The following PACSIN1 variants were observed in gnomAD, a reference collection of about 807,000 sequenced individuals.
PACSIN1 encodes protein kinase C and casein kinase substrate in neurons protein 1.
A neutral mutation model predicts 59.5 loss-of-function variants in PACSIN1; 15 were observed. The ratio of observed to expected loss-of-function variants is 0.25; its 90% CI spans 0.17 to 0.39. The LOEUF (loss-of-function observed/expected upper bound fraction) is 0.39, where lower values mean the gene tolerates loss of function less well. Among genes scored for constraint, PACSIN1 ranks in the 10% least tolerant of loss-of-function variants. The pLI is 1.00. For synonymous variants in PACSIN1, 210 were observed against 220.6 expected, an observed-to-expected ratio of 0.95 and a Z score of 0.42; for missense variants, 420 against 580.2, an observed-to-expected ratio of 0.72 and a Z score of 2.84.
At chr6:34,475,517 C>T (rs577155095) in intron 1 of PACSIN1, among the ~76,000 whole-genome samples, 123 of 152,282 alleles carry the variant, frequency 8.1e-4, no homozygotes, top group African/African-American at 2.8e-3. Flanking sequence ...AGCCAGTCTC[C>T]CAGGGTTACC....
In PACSIN1 at chr6:34,531,475, A is replaced by C; in HGVS notation, c.1038-125A>C. The C allele has an allele frequency of 1.1e-6, 1 of 909,428 alleles. No homozygotes were observed. The highest frequency in any genetic ancestry group is 1.7e-6 in the Non-Finnish European group (1 of 580,792). 56.3% of individuals were successfully genotyped at this position (909,428 alleles called of 1,614,324 possible). On this transcript the variant is annotated intron_variant, in intron 8 of 9. Transcript: ENST00000244458. The surrounding 1 kb of genome is among the most constrained non-coding windows in gnomAD (Gnocchi z 4.4). Reference sequence around the variant, plus strand: ...AGAGCTCATGAGGGTCACCCCTCCTATGTGGCCAATCCTTGCTCTAGCCTT... The same window carrying C: ...AGAGCTCATGAGGGTCACCCCTCCTCTGTGGCCAATCCTTGCTCTAGCCTT...
chr6:34,493,135 A>G (rs865861998), intron 1 of PACSIN1, among the ~76,000 whole-genome samples: 32 of 152,286 alleles, frequency 2.1e-4, no homozygotes, highest in African/African-American at 7.2e-4. Context: ...CACTTGTTGG[A>G]TATGAGTTGC....
intron 1 of PACSIN1, among the ~76,000 whole-genome samples, chr6:34,508,255 C>T (rs1040939295): frequency 6.6e-6 from 1 of 152,140 alleles, no homozygotes; most frequent in Non-Finnish European, 1.5e-5. Flanking sequence ...AGACATGCGC[C>T]ACCACACCTG....
chr6:34,482,739 G>T, intron 1 of PACSIN1, among the ~76,000 whole-genome samples: 1 of 151,244 alleles, frequency 6.6e-6, no homozygotes, highest in Non-Finnish European at 1.5e-5. Context: ...GAAAGCAATG[G>T]CATGATATCG....
intron 1 of PACSIN1, among the ~76,000 whole-genome samples, chr6:34,481,347 G>C (rs892189297): frequency 1.3e-5 from 2 of 152,188 alleles, no homozygotes; most frequent in African/African-American, 4.8e-5. Flanking sequence ...ACCGCGCCTG[G>C]CTTCTGACAT....
chr6:34,520,089 G>A (rs1767361577), intron 1 of PACSIN1, among the ~76,000 whole-genome samples: 2 of 152,060 alleles, frequency 1.3e-5, no homozygotes. Flanking sequence ...AGGGGTGAGT[G>A]ATGGGAGGGA....
At position 34,529,381 on chromosome 6, in the gene PACSIN1, TC is replaced by T; in HGVS notation, c.457-10del. ...CACAAATGAAAACCCTACTCCCTAT[TC>T]CCCCCTCCCCACAGCTGGAGGCAGC... On this transcript the variant is annotated splice_polypyrimidine_tract_variant and intron_variant, in intron 4 of 9. Coordinates refer to ENST00000244458, the MANE Select transcript of PACSIN1 (RefSeq NM_020804.5). This position sits in a 1 kb window ranked among gnomAD's most constrained non-coding sequence, Gnocchi z 6.3. 1 of 1,613,586 alleles carries T rather than the reference TC, an allele frequency of 6.2e-7. No individual in the cohort carries two copies. Among genetic ancestry groups the T allele is most frequent in the Non-Finnish European group, 8.5e-7 (1 of 1,179,880 alleles).
chr6:34,473,536 C>T (rs1210212377), intron 1 of PACSIN1, among the ~76,000 whole-genome samples: 6 of 152,104 alleles, frequency 3.9e-5, no homozygotes, highest in African/African-American at 1.4e-4. Context: ...CATTTCATCA[C>T]TGGGTTCCCG....
In PACSIN1 at chr6:34,512,754, C is replaced by T. The variant is rs150413126; in HGVS notation, c.-63-13489C>T. Reference sequence around the variant, plus strand: ...CCTGCCTTTGATCTAAGGATAGAAGCGAACTTGACTATGAAACTTTTAGAA... The same window carrying T: ...CCTGCCTTTGATCTAAGGATAGAAGTGAACTTGACTATGAAACTTTTAGAA... On this transcript the variant is annotated intron_variant, in intron 1 of 9. Transcript: ENST00000244458. Among the ~76,000 whole-genome samples, 7 of 152,334 alleles carry T rather than the reference C, an allele frequency of 4.6e-5. No homozygotes were observed. The South Asian group carries it at 1.2e-3, about 27-fold the overall frequency.
intron 1 of PACSIN1, among the ~76,000 whole-genome samples, chr6:34,520,179 G>A (rs1398798165): frequency 1.3e-5 from 2 of 152,154 alleles, no homozygotes; most frequent in Non-Finnish European, 1.5e-5. Context: ...GTGCATCTCA[G>A]CTGACTCAAA....
Position 34,529,939 on chromosome 6 carries a change from G to A in PACSIN1, c.788+98G>A, listed in dbSNP as rs1581988316. The A allele has an allele frequency of 7.3e-6, 10 of 1,361,604 alleles. No individual in the cohort carries two copies. In the South Asian group the frequency reaches 9.5e-5, roughly 13 times the overall value. The allele number at this position is 1,361,604 out of a possible 1,614,324, so 84.3% of individuals were successfully genotyped here. A position where few individuals can be genotyped will look rare whatever the true frequency, so the allele number is the denominator to read the frequency against. On this transcript the variant is annotated intron_variant, in intron 6 of 9. Coordinates refer to ENST00000244458, the MANE Select transcript of PACSIN1 (RefSeq NM_020804.5). This position sits in a 1 kb window ranked among gnomAD's most constrained non-coding sequence, Gnocchi z 6.3. ...CAGCCCTCCATCACAGTGACGGGAA[G>A]GGGAGGCAGAGCTGCAGGGGTCAAG...
At chr6:34,485,145 G>A (rs1380651243) in intron 1 of PACSIN1, 1 of 152,160 alleles carries the variant, frequency 6.6e-6, no homozygotes, top group Non-Finnish European at 1.5e-5. Flanking sequence ...TCTCAGATTG[G>A]TGAGTCACTC....
rs1290046721 is a variant in PACSIN1 at position 34,529,244 on chromosome 6, C to G, written c.457-153C>G. ...GCCACAAATGGAGGAGCGCTGCTCC[C>G]GAACACCTGGAGCCAGGGCCTGCAT... On this transcript the variant is annotated intron_variant, in intron 4 of 9. Transcript: ENST00000244458. The surrounding 1 kb of genome is among the most constrained non-coding windows in gnomAD (Gnocchi z 6.3). Among the ~76,000 whole-genome samples, 1 of 151,992 alleles carries G rather than the reference C, an allele frequency of 6.6e-6. No homozygotes were observed. The highest frequency in any genetic ancestry group is 1.5e-5 in the Non-Finnish European group (1 of 67,990).
At chr6:34,527,258 C>A in intron 2 of PACSIN1, 74 bp from the exon 3 acceptor site, 2 of 1,381,910 alleles carry the variant, frequency 1.4e-6, no homozygotes, top group South Asian at 1.5e-5. Context: ...GTGGGCGTGG[C>A]CGTGCTGGAT....
intron 1 of PACSIN1, among the ~76,000 whole-genome samples, chr6:34,509,852 T>A (rs1427044628): frequency 6.6e-6 from 1 of 152,246 alleles, no homozygotes; most frequent in East Asian, 1.9e-4. Flanking sequence ...TCTTAAATTT[T>A]TTTCAGAAAT....
intron 1 of PACSIN1, among the ~76,000 whole-genome samples, chr6:34,505,169 AT>A (rs1014730745): frequency 1.2e-4 from 18 of 151,288 alleles, no homozygotes; most frequent in African/African-American, 2.9e-4. Flanking sequence ...TGATTTAAAA[AT>A]TTTTTTTTGT....
rs1581989870 is a variant in PACSIN1, at chr6:34,531,842, T to A, written c.1225+55T>A. ...GAGAGGCTTGGGCCTGGATTGGGTG[T>A]GTGGTGGTGCAGGGGCGGTGCCTGA... On this transcript the variant is annotated intron_variant, in intron 9 of 9. Coordinates refer to ENST00000244458, the MANE Select transcript of PACSIN1 (RefSeq NM_020804.5). This position sits in a 1 kb window ranked among gnomAD's most constrained non-coding sequence, Gnocchi z 4.4. 2.7e-6 allele frequency: 4 copies of A among 1,495,228 alleles called. No individual in the cohort carries two copies. The highest frequency in any genetic ancestry group is 4.6e-5 in the East Asian group (2 of 43,462). 92.6% of individuals were successfully genotyped at this position (1,495,228 alleles called of 1,614,324 possible). A position where few individuals can be genotyped will look rare whatever the true frequency, so the allele number is the denominator to read the frequency against.
intron 2 of PACSIN1, 129 bp from the exon 3 acceptor site, chr6:34,527,203 G>A (rs1767503460): frequency 1.1e-6 from 1 of 949,496 alleles, no homozygotes; most frequent in Admixed American, 4.2e-5. Context: ...CGGGGGCGGG[G>A]GCGGGGACGG....
intron 2 of PACSIN1, 112 bp downstream of exon 2, chr6:34,526,480 G>A: frequency 1.2e-6 from 1 of 845,762 alleles, no homozygotes; most frequent in Non-Finnish European, 1.9e-6. Context: ...AGTCCCCCAG[G>A]CCCCTCCAAA....
Sources: allele counts gnomAD v4.1 joint callset (sites outside exome capture counted in the v4.1 genomes callset), GRCh38; gene constraint gnomAD v4.1.1; non-coding constraint Gnocchi (gnomAD v3.1); transcripts MANE v1.5; gene names NCBI Gene and HGNC (gene_info 2026-07-23, HGNC 2026-07-21).